Variants in SLC44A5 observed in about 807,000 individuals in gnomAD.
SLC44A5 encodes the protein choline transporter-like protein 5.
A neutral mutation model predicts 101.8 loss-of-function variants in SLC44A5; 57 were observed. That is an observed-to-expected ratio of 0.56 (90% CI 0.45 to 0.70). The LOEUF (loss-of-function observed/expected upper bound fraction) is 0.70. Among genes scored for constraint, SLC44A5 ranks in the 30% least tolerant of loss-of-function variants. The probability of loss-of-function intolerance (pLI) is 0.00; values close to 1 mark genes in which losing one functional copy is unlikely to be tolerated. For synonymous variants in SLC44A5, 281 were observed against 290.9 expected, an observed-to-expected ratio of 0.97 and a Z score of 0.35; for missense variants, 737 against 853.1, an observed-to-expected ratio of 0.86 and a Z score of 1.70.
chr1:75,430,247 T>G (rs1664540366), intron 2 of SLC44A5, among the ~76,000 whole-genome samples: 1 of 152,082 alleles, frequency 6.6e-6, no homozygotes, highest in Non-Finnish European at 1.5e-5. Flanking sequence ...TTTTACCACA[T>G]GAGGACACAG....
At chr1:75,632,995 T>C in the SLC44A5 span, among the ~76,000 whole-genome samples, 1 of 152,164 alleles carries the variant, frequency 6.6e-6, no homozygotes, top group African/African-American at 2.4e-5. Flanking sequence ...ATGACAAATA[T>C]TTCTTGTTTG....
At chr1:75,679,955 T>A in the SLC44A5 span, among the ~76,000 whole-genome samples, 1 of 152,018 alleles carries the variant, frequency 6.6e-6, no homozygotes, top group Non-Finnish European at 1.5e-5. Context: ...AAGGCAGGGG[T>A]TGCAATCCTA....
intron 6 of SLC44A5, among the ~76,000 whole-genome samples, chr1:75,255,521 T>G (rs1162609717): frequency 6.8e-6 from 1 of 146,558 alleles, no homozygotes; most frequent in Admixed American, 6.7e-5. Context: ...AGATGAAAAA[T>G]AGAAGGAAAA....
chr1:75,498,804 C>T (rs189491717), intron 2 of SLC44A5, among the ~76,000 whole-genome samples: 205 of 152,270 alleles, frequency 1.3e-3, no homozygotes, highest in African/African-American at 4.5e-3. Context: ...ATCATAAGTA[C>T]ACTTCCTCTC....
chr1:75,322,778 A>G (rs565402378), intron 4 of SLC44A5, among the ~76,000 whole-genome samples: 1 of 152,276 alleles, frequency 6.6e-6, no homozygotes, highest in East Asian at 1.9e-4. Context: ...ATGATTTTGG[A>G]GAAATACAGG....
the SLC44A5 span, among the ~76,000 whole-genome samples, chr1:75,634,592 G>A: frequency 2.0e-5 from 3 of 151,268 alleles, no homozygotes; most frequent in Non-Finnish European, 4.4e-5. Context: ...AATGGTGCTG[G>A]GAAAACTGGC....
chr1:75,664,496 G>C, the SLC44A5 span, among the ~76,000 whole-genome samples: 3 of 152,024 alleles, frequency 2.0e-5, no homozygotes, highest in South Asian at 6.2e-4. Context: ...ACAAAAATCA[G>C]TAGGATTCAA....
the SLC44A5 span, among the ~76,000 whole-genome samples, chr1:75,704,918 G>C: frequency 6.6e-6 from 1 of 152,082 alleles, no homozygotes. Context: ...GTTACTACAG[G>C]TTTTGGTTCT....
intron 23 of SLC44A5, among the ~76,000 whole-genome samples, chr1:75,209,151 G>A (rs1646804957): frequency 6.6e-6 from 1 of 152,176 alleles, no homozygotes; most frequent in Non-Finnish European, 1.5e-5. Flanking sequence ...TCAAGCTGAT[G>A]TACCTGGCTT....
the SLC44A5 span, among the ~76,000 whole-genome samples, chr1:75,634,152 T>C: frequency 6.6e-6 from 1 of 152,312 alleles, no homozygotes; most frequent in Non-Finnish European, 1.5e-5. Context: ...TTTGCATCAA[T>C]GTTCATCAAG....
chr1:75,476,324 G>T (rs562367345), intron 2 of SLC44A5, among the ~76,000 whole-genome samples: 1 of 152,200 alleles, frequency 6.6e-6, no homozygotes, highest in Non-Finnish European at 1.5e-5. Context: ...CGTGAGTGAC[G>T]CAGAAGATGG....
At chr1:75,457,574 G>A (rs912253470) in intron 2 of SLC44A5, among the ~76,000 whole-genome samples, 2 of 152,036 alleles carry the variant, frequency 1.3e-5, no homozygotes, top group East Asian at 1.9e-4. Flanking sequence ...AAAGTTCACC[G>A]AGGCCAGGTG....
At chr1:75,443,533 A>C (rs1206517969) in intron 2 of SLC44A5, among the ~76,000 whole-genome samples, 1 of 152,006 alleles carries the variant, frequency 6.6e-6, no homozygotes, top group Non-Finnish European at 1.5e-5. Flanking sequence ...ACCAAAACTT[A>C]CTCAATAGGA....
intron 2 of SLC44A5, among the ~76,000 whole-genome samples, chr1:75,431,839 C>T (rs932294283): frequency 6.6e-6 from 1 of 152,074 alleles, no homozygotes; most frequent in African/African-American, 2.4e-5. Context: ...CAAGTAAATG[C>T]TCAAAAGTAT....
At chr1:75,594,755 AGGCAGAG>A (rs1422665390) in intron 1 of SLC44A5, among the ~76,000 whole-genome samples, 2 of 151,954 alleles carry the variant, frequency 1.3e-5, no homozygotes, top group Non-Finnish European at 2.9e-5. Flanking sequence ...TAACAGAAAA[AGGCAGAG>A]GGAAGATGGT....
At chr1:75,495,039 T>C (rs969761385) in intron 2 of SLC44A5, among the ~76,000 whole-genome samples, 1 of 152,156 alleles carries the variant, frequency 6.6e-6, no homozygotes, top group Non-Finnish European at 1.5e-5. Flanking sequence ...GAGAGATGGC[T>C]GTCTTACCTA....
At chr1:75,302,082 A>T (rs1000302194) in intron 4 of SLC44A5, among the ~76,000 whole-genome samples, 1 of 103,934 alleles carries the variant, frequency 9.6e-6, no homozygotes, top group Admixed American at 1.0e-4. Context: ...AATAATAACA[A>T]GAGAAGAAAG....
At chr1:75,677,191 GA>G in the SLC44A5 span, among the ~76,000 whole-genome samples, 10 of 151,466 alleles carry the variant, frequency 6.6e-5, no homozygotes, top group East Asian at 1.2e-3. Flanking sequence ...AGTAAATACA[GA>G]AAAAAAACAG....
At chr1:75,461,260 G>T (rs1299188708) in intron 2 of SLC44A5, among the ~76,000 whole-genome samples, 1 of 152,078 alleles carries the variant, frequency 6.6e-6, no homozygotes, top group Non-Finnish European at 1.5e-5. Flanking sequence ...TATACATCAG[G>T]TATGAAAATA....
Sources: gnomAD v4.1 joint callset for allele counts (sites outside exome capture counted in the v4.1 genomes callset) on GRCh38, gnomAD v4.1.1 for gene constraint, MANE v1.5 for transcripts, NCBI Gene and HGNC (gene_info 2026-07-23, HGNC 2026-07-21) for gene names.